The following PLCL1 variants were observed in gnomAD, a reference collection of about 807,000 sequenced individuals.
The protein encoded by PLCL1 is phospholipase C like 1 (inactive).
PLCL1 carries 41 observed loss-of-function variants against 84.4 expected under a neutral mutation model. The observed-to-expected ratio is 0.49, with a 90% CI of 0.38 to 0.63. The LOEUF is 0.63. Among genes scored for constraint, PLCL1 ranks in the 30% least tolerant of loss-of-function variants. The pLI is 0.00. For synonymous variants in PLCL1, 490 were observed against 488.3 expected (o/e 1.00, Z -0.05); for missense variants, 1,206 against 1,367.8 (o/e 0.88, Z 1.87).
intron 1 of PLCL1, among the ~76,000 whole-genome samples, chr2:197,999,649 C>T (rs1159520128): frequency 6.6e-6 from 1 of 152,074 alleles, no homozygotes; most frequent in Non-Finnish European, 1.5e-5. Flanking sequence ...GCGTTGCTGC[C>T]CTAATGGATA....
rs869135841 is a variant in PLCL1, at chr2:197,939,717, C to CTTT, written c.240+134397_240+134399dup. 7.7e-3 allele frequency among the ~76,000 whole-genome samples: 863 copies of CTTT among 112,092 alleles called. 18 individuals carry two copies. The highest frequency in any genetic ancestry group is 0.026 in the African/African-American group (779 of 29,572). 73.5% of individuals were successfully genotyped at this position (112,092 alleles called of 152,430 possible). ...TACTGGGGATTGGGACTTCAACAGA[C>CTTT]TTTTTTTTTTTTTTTTTTTTTGGCA... On this transcript the variant is annotated intron_variant, in intron 1 of 5. Coordinates refer to ENST00000428675, the MANE Select transcript of PLCL1 (RefSeq NM_006226.4).
Position 197,856,194 on chromosome 2 carries a change from G to A in PLCL1, c.240+50855G>A, listed in dbSNP as rs116541842. 7.9e-3 allele frequency among the ~76,000 whole-genome samples: 1,200 copies of A among 152,252 alleles called. 17 individuals carry two copies. Among genetic ancestry groups the A allele is most frequent in the African/African-American group, 0.028 (1,153 of 41,526 alleles). ...CATAATATTTTGTTTCCCAATTTAG[G>A]GAGTTCATGGACTACTTAGAGGTCC... On this transcript the variant is annotated intron_variant, in intron 1 of 5. Transcript: ENST00000428675.
chr2:198,060,540 A>G (rs1692171023), intron 1 of PLCL1, among the ~76,000 whole-genome samples: 1 of 152,204 alleles, frequency 6.6e-6, no homozygotes, highest in African/African-American at 2.4e-5. Context: ...TCAGTCCTAC[A>G]GTTCACCATC....
At chr2:198,000,534 G>A (rs1690575306) in intron 1 of PLCL1, among the ~76,000 whole-genome samples, 1 of 152,122 alleles carries the variant, frequency 6.6e-6, no homozygotes, top group Non-Finnish European at 1.5e-5. Context: ...CTTTTCAAAA[G>A]TGTTTTGCCA....
At chr2:198,090,929 T>C (rs1693013253) in intron 3 of PLCL1, among the ~76,000 whole-genome samples, 1 of 152,212 alleles carries the variant, frequency 6.6e-6, no homozygotes, top group Non-Finnish European at 1.5e-5. Flanking sequence ...TTATTTTTTG[T>C]TTTATCTGCT....
intron 1 of PLCL1, among the ~76,000 whole-genome samples, chr2:197,996,113 C>G (rs893808): frequency 0.72 from 108,923 of 151,826 alleles, 39,946 homozygotes; most frequent in African/African-American, 0.87. Context: ...AGGTGACGGG[C>G]AAGAGGGAAA....
At chr2:198,024,773 AAAC>A (rs1574255081) in intron 1 of PLCL1, among the ~76,000 whole-genome samples, 1 of 152,078 alleles carries the variant, frequency 6.6e-6, no homozygotes, top group Admixed American at 6.5e-5. Context: ...AAAAAAAAAA[AAAC>A]AATTACTACG....
At chr2:197,947,569 A>C (rs1320483141) in intron 1 of PLCL1, among the ~76,000 whole-genome samples, 1 of 152,134 alleles carries the variant, frequency 6.6e-6, no homozygotes, top group Non-Finnish European at 1.5e-5. Context: ...GTGGTGGGGA[A>C]TGTAGGCTGG....
At chr2:198,136,445 T>C (rs534365575) in intron 5 of PLCL1, among the ~76,000 whole-genome samples, 1 of 152,256 alleles carries the variant, frequency 6.6e-6, no homozygotes, top group South Asian at 2.1e-4. Flanking sequence ...GCTTATGCTG[T>C]AAATTCACTT....
intron 1 of PLCL1, among the ~76,000 whole-genome samples, chr2:197,948,565 AG>A (rs1261652100): frequency 1.3e-5 from 2 of 152,028 alleles, no homozygotes; most frequent in African/African-American, 4.8e-5. Context: ...GGCTTTCTAA[AG>A]GGGTAAATAG....
At position 197,805,294 on chromosome 2, in the gene PLCL1, C is replaced by T; in HGVS notation, c.195C>T (p.Leu65=). 2.3e-6 allele frequency: 3 copies of T among 1,297,652 alleles called. No individual in the cohort carries two copies. The highest frequency in any genetic ancestry group is 2.3e-4 in the Middle Eastern group (1 of 4,412). The allele number at this position is 1,297,652 out of a possible 1,614,324, so 80.4% of individuals were successfully genotyped here. ...AGTPADSEAG[L]LEAARATPRR... Reference sequence around the variant, plus strand: ...CCCCAGCGGACAGCGAGGCGGGCCTCCTGGAGGCAGCACGGGCGACCCCCC... The same window carrying T: ...CCCCAGCGGACAGCGAGGCGGGCCTTCTGGAGGCAGCACGGGCGACCCCCC... The change falls in exon 1 of 6, where the codon CTC becomes CTT. Residue 65 remains leucine (L), a synonymous_variant. Coordinates refer to ENST00000428675, the MANE Select transcript of PLCL1 (RefSeq NM_006226.4). The surrounding 1 kb of genome is among the most constrained non-coding windows in gnomAD (Gnocchi z 4.0).
chr2:197,895,946 T>C (rs1688126173), intron 1 of PLCL1, among the ~76,000 whole-genome samples: 1 of 151,984 alleles, frequency 6.6e-6, no homozygotes, highest in Non-Finnish European at 1.5e-5. Context: ...ATGTGGGGTT[T>C]TTTTTGGTAA....
At chr2:197,870,801 G>A (rs2105704499) in intron 1 of PLCL1, among the ~76,000 whole-genome samples, 1 of 151,708 alleles carries the variant, frequency 6.6e-6, no homozygotes, top group Admixed American at 6.6e-5. Context: ...CTTGGATGTG[G>A]AATTGATGTG....
At chr2:198,141,803 A>G (rs998668514) in intron 5 of PLCL1, among the ~76,000 whole-genome samples, 1 of 152,136 alleles carries the variant, frequency 6.6e-6, no homozygotes, top group Non-Finnish European at 1.5e-5. Flanking sequence ...ATATCAGAAA[A>G]CCCAGTCTGC....
At chr2:197,998,216 T>TGTGTGTGTGTGTGTGA (rs1288667570) in intron 1 of PLCL1, among the ~76,000 whole-genome samples, 7 of 149,070 alleles carry the variant, frequency 4.7e-5, no homozygotes, top group Non-Finnish European at 4.5e-5. Flanking sequence ...TGTGTGTGTG[T>TGTGTGTGTGTGTGTGA]GATATGAGAT....
At chr2:197,912,993 C>T (rs1331808798) in intron 1 of PLCL1, among the ~76,000 whole-genome samples, 16 of 151,798 alleles carry the variant, frequency 1.1e-4, no homozygotes, top group Non-Finnish European at 1.6e-4. Context: ...AAAGCTTTCT[C>T]TTATGCTGGA....
chr2:198,024,107 A>G (rs1691205927), intron 1 of PLCL1, among the ~76,000 whole-genome samples: 2 of 152,204 alleles, frequency 1.3e-5, no homozygotes, highest in South Asian at 4.1e-4. Context: ...AGGGACATGG[A>G]TGAAACTGGA....
At chr2:197,925,355 T>C (rs1688812598) in intron 1 of PLCL1, among the ~76,000 whole-genome samples, 1 of 152,198 alleles carries the variant, frequency 6.6e-6, no homozygotes, top group African/African-American at 2.4e-5. Context: ...GTGTTTCAGT[T>C]CTAGCTAGTG....
At chr2:198,011,818 A>G (rs1384635978) in intron 1 of PLCL1, among the ~76,000 whole-genome samples, 2 of 151,946 alleles carry the variant, frequency 1.3e-5, no homozygotes, top group African/African-American at 4.8e-5. Flanking sequence ...TTTTACTGTT[A>G]TATCTTCCTG....
Sources: gnomAD v4.1 joint callset for allele counts (sites outside exome capture counted in the v4.1 genomes callset) on GRCh38, gnomAD v4.1.1 for gene constraint, Gnocchi (gnomAD v3.1) non-coding constraint, MANE v1.5 for transcripts, NCBI Gene and HGNC (gene_info 2026-07-23, HGNC 2026-07-21) for gene names.